The following NRXN1 variants were observed in gnomAD, a reference collection of about 807,000 sequenced individuals.
The protein encoded by NRXN1 is neurexin 1.
In NRXN1, 39 loss-of-function variants were observed where a neutral mutation model predicts 150.9. The ratio of observed to expected loss-of-function variants is 0.26; its 90% confidence interval spans 0.20 to 0.34. The LOEUF (loss-of-function observed/expected upper bound fraction) is 0.34, where lower values mean the gene tolerates loss of function less well. Among genes scored for constraint, NRXN1 ranks in the 10% least tolerant of loss-of-function variants. The pLI, the probability that NRXN1 is intolerant of heterozygous loss-of-function variation, is 1.00. For missense variants in NRXN1, 1,815 were observed against 1,949.9 expected, an observed-to-expected ratio of 0.93 and a Z score of 1.30; for synonymous variants, 924 against 757.0, an observed-to-expected ratio of 1.22 and a Z score of -3.62.
intron 18 of NRXN1, among the ~76,000 whole-genome samples, chr2:50,155,099 T>C (rs878993613): frequency 6.6e-6 from 1 of 151,662 alleles, no homozygotes; most frequent in Non-Finnish European, 1.5e-5. Context: ...AGTTGATTAC[T>C]CCGTGAGGTA....
At chr2:50,426,980 A>C (rs2084546918) in intron 17 of NRXN1, among the ~76,000 whole-genome samples, 1 of 152,206 alleles carries the variant, frequency 6.6e-6, no homozygotes, top group Non-Finnish European at 1.5e-5. Context: ...ATGTATTTTC[A>C]AAATTTGAAG....
At chr2:50,426,242 C>T (rs765917175) in intron 17 of NRXN1, among the ~76,000 whole-genome samples, 15 of 152,110 alleles carry the variant, frequency 9.9e-5, no homozygotes, top group Non-Finnish European at 1.6e-4. Flanking sequence ...CTTAAAGAAC[C>T]GTGAATGCCA....
intron 12 of NRXN1, 63 bp from the exon 13 acceptor site, chr2:50,506,680 A>C (rs1007071142): frequency 6.4e-6 from 10 of 1,560,142 alleles, no homozygotes; most frequent in Non-Finnish European, 7.9e-6. Context: ...TGAACCTCAC[A>C]GAGAGTGAGA....
chr2:50,818,092 G>A (rs72889450), intron 5 of NRXN1, among the ~76,000 whole-genome samples: 3,722 of 58,240 alleles, frequency 0.064, 178 homozygotes, highest in African/African-American at 0.21. Context: ...TTTATATGTA[G>A]AAAACCCTAA....
At position 50,508,427 on chromosome 2, in the gene NRXN1, C is replaced by T. The variant is rs1036091430; in HGVS notation, c.2375-1810G>A. 4.3e-5 allele frequency among the ~76,000 whole-genome samples: 6 copies of T among 139,364 alleles called. No individual in the cohort carries two copies. The South Asian group carries it at 1.4e-3, about 33-fold the overall frequency. The allele number at this position is 139,364 out of a possible 152,430, so 91.4% of individuals were successfully genotyped here. On this transcript the variant is annotated intron_variant, in intron 12 of 22. Transcript: ENST00000401669. ...AAGTTCCAGGATGAAAAAAAAAAAA[C>T]TCTTTCTAAATTCAATAGTGAAGAA...
intron 2 of NRXN1, among the ~76,000 whole-genome samples, chr2:50,998,790 A>G (rs1699656374): frequency 6.6e-6 from 1 of 152,086 alleles, no homozygotes; most frequent in African/African-American, 2.4e-5. Context: ...TACACCCACC[A>G]CAATAATGTG....
At chr2:50,479,576 T>A (rs902672626) in intron 15 of NRXN1, among the ~76,000 whole-genome samples, 2 of 151,878 alleles carry the variant, frequency 1.3e-5, no homozygotes, top group East Asian at 3.9e-4. Context: ...AAGCATTTGA[T>A]AATTAGTTGT....
rs984866379 is a variant in NRXN1, at chr2:50,063,239, G to A, written c.3719-8195C>T. 2.0e-5 allele frequency among the ~76,000 whole-genome samples: 3 copies of A among 152,020 alleles called. No homozygotes were observed. In the East Asian group the frequency reaches 5.8e-4, roughly 29 times the overall value. The stretch of plus-strand genomic sequence containing the variant: ...TGGCTGATAATGTTCCAAATAAATA[G>A]ATTTTGAATATCGACACCTTTTGAG... On this transcript the variant is annotated intron_variant, in intron 19 of 22. Coordinates refer to ENST00000401669, the MANE Select transcript of NRXN1 (RefSeq NM_001330078.2).
chr2:49,973,362 A>C (rs375159955), intron 21 of NRXN1, among the ~76,000 whole-genome samples: 42 of 152,308 alleles, frequency 2.8e-4, no homozygotes, highest in African/African-American at 9.9e-4. Context: ...TATTTACATT[A>C]ATCAGGTTTA....
At chr2:50,069,143 G>C (rs1695819879) in intron 19 of NRXN1, among the ~76,000 whole-genome samples, 3 of 152,314 alleles carry the variant, frequency 2.0e-5, no homozygotes, top group Admixed American at 1.3e-4. Flanking sequence ...GAATACTTTG[G>C]ATAGCAATGA....
intron 17 of NRXN1, among the ~76,000 whole-genome samples, chr2:50,248,802 G>C (rs1016794414): frequency 6.6e-6 from 1 of 151,992 alleles, no homozygotes; most frequent in African/African-American, 2.4e-5. Flanking sequence ...CCTAAGTTTG[G>C]AATCTAAGAG....
intron 21 of NRXN1, among the ~76,000 whole-genome samples, chr2:50,037,737 A>C (rs897190720): frequency 6.6e-6 from 1 of 152,216 alleles, no homozygotes; most frequent in African/African-American, 2.4e-5. Flanking sequence ...GATTATTACT[A>C]AACTTTGTCA....
At chr2:50,937,840 CG>C (rs749208516) in intron 2 of NRXN1, among the ~76,000 whole-genome samples, 3 of 152,042 alleles carry the variant, frequency 2.0e-5, no homozygotes, top group Non-Finnish European at 4.4e-5. Flanking sequence ...AATGGGGATA[CG>C]TTTCAAGAAA....
intron 5 of NRXN1, among the ~76,000 whole-genome samples, chr2:50,683,646 A>AAAAAAAAAAAAAAAAAAAAAAATAT: frequency 6.7e-5 from 1 of 14,906 alleles, no homozygotes; most frequent in African/African-American, 3.6e-4. Flanking sequence ...AAAAAAAAAA[A>AAAAAAAAAAAAAAAAAAAAAAATAT]ATATATATAT....
chr2:50,218,568 C>CCTCCCCACCACATACCCACGGTTTTG (rs2063564440), intron 18 of NRXN1, among the ~76,000 whole-genome samples: 1 of 151,622 alleles, frequency 6.6e-6, no homozygotes, highest in Non-Finnish European at 1.5e-5. Context: ...ATTATAGCCC[C>CCTCCCCACCACATACCCACGGTTTTG]CTCCCCACCA....
intron 2 of NRXN1, among the ~76,000 whole-genome samples, chr2:50,978,266 T>TTATATATATATA (rs1237092456): frequency 5.9e-5 from 2 of 33,912 alleles, no homozygotes; most frequent in Non-Finnish European, 1.3e-4. Context: ...AATATGGATA[T>TTATATATATATA]TATACATATA....
At chr2:50,633,492 G>C (rs1559051085) in intron 5 of NRXN1, among the ~76,000 whole-genome samples, 1 of 151,662 alleles carries the variant, frequency 6.6e-6, no homozygotes, top group Non-Finnish European at 1.5e-5. Context: ...TAGAAGGCTT[G>C]ACCAAGGCTT....
Position 50,171,236 on chromosome 2 carries a change from AGT to A in NRXN1, c.3546+65551_3546+65552del, listed in dbSNP as rs10666950. On this transcript the variant is annotated intron_variant, in intron 18 of 22. Coordinates refer to ENST00000401669, the MANE Select transcript of NRXN1 (RefSeq NM_001330078.2). ...TCAATCCTGTATTGTTCAAGACTCA[AGT>A]GTGTGTGTGTGTGTGTTTGTGTGTG... Among the ~76,000 whole-genome samples, 1,359 of 149,034 alleles carry A rather than the reference AGT, an allele frequency of 9.1e-3. 20 individuals carry two copies. The highest frequency in any genetic ancestry group is 0.032 in the African/African-American group (1,290 of 40,634).
rs544955000 is a variant in NRXN1 at position 50,163,600 on chromosome 2, G to A, written c.3547-72106C>T. Among the ~76,000 whole-genome samples, 4 of 152,208 alleles carry A rather than the reference G, an allele frequency of 2.6e-5. No individual in the cohort carries two copies. In the East Asian group the frequency reaches 7.7e-4, roughly 29 times the overall value. On this transcript the variant is annotated intron_variant, in intron 18 of 22. Transcript: ENST00000401669. ...TGTCTTATATGGTTTTTACAGTTAA[G>A]GATTGACAACTGCCTTTTGCTTTTG...
Sources: allele counts gnomAD v4.1 joint callset (sites outside exome capture counted in the v4.1 genomes callset), GRCh38; gene constraint gnomAD v4.1.1; transcripts MANE v1.5; gene names NCBI Gene and HGNC (gene_info 2026-07-23, HGNC 2026-07-21).